C8orf34: variants seen among roughly 807,000 people sequenced by gnomAD.
C8orf34 encodes chromosome 8 open reading frame 34.
A neutral mutation model predicts 68.3 loss-of-function variants in C8orf34; 65 were observed. That is an observed-to-expected ratio of 0.95 (90% CI 0.78 to 1.17). C8orf34 has a LOEUF of 1.17. Ranked by LOEUF, C8orf34 falls within the 50% of genes most tolerant of loss-of-function variation. The probability of loss-of-function intolerance (pLI) is 0.00; values close to 1 mark genes in which losing one functional copy is unlikely to be tolerated. For synonymous variants in C8orf34, 244 were observed against 241.2 expected (o/e 1.01, Z -0.11); for missense variants, 664 against 655.4 (o/e 1.01, Z -0.14).
At chr8:68,587,021 A>G (rs1426277372) in intron 7 of C8orf34, among the ~76,000 whole-genome samples, 1 of 152,166 alleles carries the variant, frequency 6.6e-6, no homozygotes, top group Non-Finnish European at 1.5e-5. Flanking sequence ...GAAAAAGTTT[A>G]CAGCCCCTGT....
chr8:68,772,786 TTTCC>T (rs1823387073), intron 10 of C8orf34, among the ~76,000 whole-genome samples: 2 of 149,458 alleles, frequency 1.3e-5, no homozygotes, highest in African/African-American at 5.0e-5. Flanking sequence ...TCTTTCTTTC[TTTCC>T]CTCCCTCCCT....
At chr8:68,571,799 GC>G in intron 7 of C8orf34, among the ~76,000 whole-genome samples, 1 of 152,262 alleles carries the variant, frequency 6.6e-6, no homozygotes, top group Admixed American at 6.5e-5. Context: ...CGGTGACTGA[GC>G]CTTCTATTTG....
intron 9 of C8orf34, among the ~76,000 whole-genome samples, chr8:68,714,665 G>T (rs977030747): frequency 1.3e-5 from 2 of 152,060 alleles, no homozygotes; most frequent in Non-Finnish European, 2.9e-5. Context: ...TTCATGGATG[G>T]GTAGAATCAA....
At chr8:68,743,436 C>T (rs1355716405) in intron 10 of C8orf34, among the ~76,000 whole-genome samples, 2 of 152,168 alleles carry the variant, frequency 1.3e-5, no homozygotes. Flanking sequence ...GTGATTTCTG[C>T]ATTTCCATCT....
At chr8:68,452,886 T>C (rs527964516) in intron 3 of C8orf34, among the ~76,000 whole-genome samples, 2 of 151,704 alleles carry the variant, frequency 1.3e-5, no homozygotes, top group African/African-American at 4.8e-5. Context: ...CTTCTAAGAG[T>C]TATAGTTTAT....
intron 4 of C8orf34, among the ~76,000 whole-genome samples, chr8:68,483,879 C>A (rs887563109): frequency 6.6e-6 from 1 of 152,206 alleles, no homozygotes; most frequent in Non-Finnish European, 1.5e-5. Context: ...TCTGAAAGAA[C>A]TAATTTTTCC....
chr8:68,552,406 C>T (rs2130067035), intron 7 of C8orf34, among the ~76,000 whole-genome samples: 1 of 151,978 alleles, frequency 6.6e-6, no homozygotes, highest in East Asian at 1.9e-4. Context: ...AAATTTTATA[C>T]TTCCTTTGTT....
At chr8:68,783,701 A>G (rs1221186125) in intron 11 of C8orf34, among the ~76,000 whole-genome samples, 10 of 152,044 alleles carry the variant, frequency 6.6e-5, no homozygotes, top group Admixed American at 2.0e-4. Flanking sequence ...TACTTCTTAC[A>G]TATATTGATT....
intron 4 of C8orf34, among the ~76,000 whole-genome samples, chr8:68,473,372 A>G (rs1812463212): frequency 1.3e-5 from 2 of 152,136 alleles, no homozygotes; most frequent in South Asian, 4.2e-4. Flanking sequence ...TGGCTGCCCC[A>G]CCCTAATCTT....
chr8:68,761,818 T>G (rs1823032203), intron 10 of C8orf34, among the ~76,000 whole-genome samples: 2 of 152,220 alleles, frequency 1.3e-5, no homozygotes, highest in South Asian at 4.1e-4. Flanking sequence ...TCAGCTAAAA[T>G]TCTCCCCTGC....
chr8:68,339,785 A>T (rs1478188586), intron 1 of C8orf34, among the ~76,000 whole-genome samples: 1 of 152,084 alleles, frequency 6.6e-6, no homozygotes, highest in Non-Finnish European at 1.5e-5. Flanking sequence ...AAAAAAATCA[A>T]TAAAATGGAC....
chr8:68,716,650 G>A (rs1318544613), intron 9 of C8orf34, among the ~76,000 whole-genome samples: 1 of 151,940 alleles, frequency 6.6e-6, no homozygotes, highest in Non-Finnish European at 1.5e-5. Flanking sequence ...AAAACTAAGT[G>A]CTGGTGAAGT....
chr8:68,604,777 C>A, intron 7 of C8orf34, among the ~76,000 whole-genome samples: 1 of 152,000 alleles, frequency 6.6e-6, no homozygotes, highest in African/African-American at 2.4e-5. Context: ...AGTAGAAAAT[C>A]TAGATCACCT....
chr8:68,466,283 G>A (rs911785901), intron 3 of C8orf34, among the ~76,000 whole-genome samples: 5 of 151,904 alleles, frequency 3.3e-5, no homozygotes, highest in Non-Finnish European at 5.9e-5. Flanking sequence ...ATAAGCATAC[G>A]GTAAGATAGA....
In C8orf34 at chr8:68,691,861, C is replaced by A. The variant is rs529819240; in HGVS notation, c.1242-17133C>A. Among the ~76,000 whole-genome samples, 91 of 152,058 alleles carry A rather than the reference C, an allele frequency of 6.0e-4. 1 individual carries two copies. Among genetic ancestry groups the A allele is most frequent in the Admixed American group, 3.8e-3 (58 of 15,214 alleles). ...GTCAAATGACTGTGTATTTTCTGAG[C>A]ATACTTGGTTTTAGCAAAAATAATG... On this transcript the variant is annotated intron_variant, in intron 8 of 13. Transcript: ENST00000518698.
At chr8:68,552,106 A>T (rs569424231) in intron 7 of C8orf34, among the ~76,000 whole-genome samples, 1 of 152,266 alleles carries the variant, frequency 6.6e-6, no homozygotes, top group South Asian at 2.1e-4. Context: ...CTTTATGACA[A>T]TACCACACTA....
intron 10 of C8orf34, among the ~76,000 whole-genome samples, chr8:68,726,442 A>T (rs896692211): frequency 4.6e-5 from 7 of 152,192 alleles, no homozygotes; most frequent in Admixed American, 2.0e-4. Context: ...CAAAAGGGAA[A>T]AATGTATGTG....
intron 7 of C8orf34, among the ~76,000 whole-genome samples, chr8:68,569,346 C>T (rs1298095976): frequency 6.6e-6 from 1 of 152,196 alleles, no homozygotes; most frequent in African/African-American, 2.4e-5. Flanking sequence ...GGCTCAAGTC[C>T]ACAGAGCAGG....
At chr8:68,766,310 G>A (rs1823174215) in intron 10 of C8orf34, among the ~76,000 whole-genome samples, 1 of 152,120 alleles carries the variant, frequency 6.6e-6, no homozygotes, top group African/African-American at 2.4e-5. Context: ...GACACAGGTT[G>A]ATTTAATTTT....
Sources: allele counts gnomAD v4.1 joint callset (sites outside exome capture counted in the v4.1 genomes callset), GRCh38; gene constraint gnomAD v4.1.1; transcripts MANE v1.5; gene names NCBI Gene and HGNC (gene_info 2026-07-23, HGNC 2026-07-21).